LRRTM4: variants seen among roughly 807,000 people sequenced by gnomAD.
LRRTM4 encodes leucine rich repeat transmembrane neuronal 4.
A neutral mutation model predicts 47.6 loss-of-function variants in LRRTM4; 25 were observed. The ratio of observed to expected loss-of-function variants is 0.53; its 90% CI spans 0.38 to 0.73. LRRTM4 has a LOEUF of 0.73. Ranked by LOEUF, LRRTM4 falls within the 30% of genes least tolerant of loss-of-function variation. LRRTM4 has a pLI of 0.00. For synonymous variants in LRRTM4, 311 were observed against 269.5 expected (o/e 1.15, Z -1.51); for missense variants, 638 against 713.4 (o/e 0.89, Z 1.20).
chr2:77,190,841 C>T (rs1176267696), intron 3 of LRRTM4, among the ~76,000 whole-genome samples: 1 of 152,084 alleles, frequency 6.6e-6, no homozygotes, highest in Admixed American at 6.6e-5. Flanking sequence ...TGTACTTAGC[C>T]TAATAAGTGT....
intron 3 of LRRTM4, among the ~76,000 whole-genome samples, chr2:77,467,565 A>G (rs912489096): frequency 1.3e-5 from 2 of 152,176 alleles, no homozygotes; most frequent in Admixed American, 6.5e-5. Flanking sequence ...TTGCATGCTT[A>G]ACCATCAAGA....
At chr2:77,444,413 C>T (rs189527621) in intron 3 of LRRTM4, among the ~76,000 whole-genome samples, 5 of 152,040 alleles carry the variant, frequency 3.3e-5, no homozygotes, top group Admixed American at 2.0e-4. Context: ...GCTCTTATGA[C>T]GGAGATATTT....
intron 3 of LRRTM4, among the ~76,000 whole-genome samples, chr2:76,907,952 C>T (rs1368231939): frequency 6.7e-6 from 1 of 150,296 alleles, no homozygotes. Context: ...GAAACTATTC[C>T]AATCAATAGA....
intron 3 of LRRTM4, among the ~76,000 whole-genome samples, chr2:77,279,670 A>C (rs1350068299): frequency 6.6e-6 from 1 of 151,950 alleles, no homozygotes; most frequent in Non-Finnish European, 1.5e-5. Context: ...AATTGCTATT[A>C]TGAAAAATTT....
At chr2:77,187,777 A>T (rs1673552054) in intron 3 of LRRTM4, among the ~76,000 whole-genome samples, 1 of 152,124 alleles carries the variant, frequency 6.6e-6, no homozygotes, top group Admixed American at 6.6e-5. Context: ...ATAAACAAAA[A>T]TAAAAAATAT....
intron 3 of LRRTM4, among the ~76,000 whole-genome samples, chr2:76,818,559 C>CGT (rs984257058): frequency 1.6e-4 from 25 of 151,786 alleles, no homozygotes; most frequent in African/African-American, 6.0e-4. Flanking sequence ...TTTTTCAATT[C>CGT]CTCACAAATA....
intron 3 of LRRTM4, among the ~76,000 whole-genome samples, chr2:77,211,570 T>C (rs552701420): frequency 6.6e-6 from 1 of 152,302 alleles, no homozygotes; most frequent in African/African-American, 2.4e-5. Context: ...AATAATATAT[T>C]AAGAGTATAT....
At chr2:76,756,620 C>T (rs1314036395) in intron 3 of LRRTM4, among the ~76,000 whole-genome samples, 2 of 152,126 alleles carry the variant, frequency 1.3e-5, no homozygotes, top group African/African-American at 2.4e-5. Context: ...TCTGCCTTCA[C>T]CTGTAGCAGT....
intron 3 of LRRTM4, among the ~76,000 whole-genome samples, chr2:77,192,547 T>TA (rs1430798818): frequency 1.3e-5 from 2 of 152,164 alleles, no homozygotes; most frequent in East Asian, 3.9e-4. Flanking sequence ...CTAAAAAATG[T>TA]AAAAATAATT....
intron 3 of LRRTM4, among the ~76,000 whole-genome samples, chr2:77,064,321 G>T (rs1428746646): frequency 6.6e-6 from 1 of 151,910 alleles, no homozygotes; most frequent in African/African-American, 2.4e-5. Context: ...GCCTTCAGTG[G>T]GTAACCTGAT....
chr2:76,976,776 T>C (rs921856193), intron 3 of LRRTM4, among the ~76,000 whole-genome samples: 1 of 151,964 alleles, frequency 6.6e-6, no homozygotes. Context: ...TCTGTAGCAC[T>C]GTAGGGTAAA....
chr2:76,895,759 C>A (rs114738944), intron 3 of LRRTM4, among the ~76,000 whole-genome samples: 1 of 150,594 alleles, frequency 6.6e-6, no homozygotes, highest in Non-Finnish European at 1.5e-5. Context: ...TGGTGATGAG[C>A]CCAATTCTGT....
chr2:77,269,579 TA>T (rs1676138261), intron 3 of LRRTM4, among the ~76,000 whole-genome samples: 1 of 152,128 alleles, frequency 6.6e-6, no homozygotes, highest in Non-Finnish European at 1.5e-5. Context: ...AAATACAAAT[TA>T]AATTTAAATA....
chr2:76,937,870 T>TTA (rs1192700825), intron 3 of LRRTM4, among the ~76,000 whole-genome samples: 2 of 151,974 alleles, frequency 1.3e-5, no homozygotes, highest in Non-Finnish European at 1.5e-5. Context: ...CCGGCCATCT[T>TTA]TATATATATA....
At chr2:76,940,652 C>A (rs1212777178) in intron 3 of LRRTM4, among the ~76,000 whole-genome samples, 1 of 151,134 alleles carries the variant, frequency 6.6e-6, no homozygotes, top group African/African-American at 2.4e-5. Context: ...AACTTAAAAA[C>A]AAACAAATAT....
intron 3 of LRRTM4, among the ~76,000 whole-genome samples, chr2:77,132,453 A>G (rs1025104455): frequency 6.6e-6 from 1 of 152,206 alleles, no homozygotes; most frequent in Non-Finnish European, 1.5e-5. Flanking sequence ...TACAGTTAGC[A>G]TGGTAGTGCA....
intron 3 of LRRTM4, among the ~76,000 whole-genome samples, chr2:77,211,202 G>T (rs770423851): frequency 6.6e-6 from 1 of 152,182 alleles, no homozygotes; most frequent in Non-Finnish European, 1.5e-5. Flanking sequence ...CTACAGTTGT[G>T]AGGACAAAGA....
At chr2:77,344,421 C>A (rs575827693) in intron 3 of LRRTM4, among the ~76,000 whole-genome samples, 1 of 151,654 alleles carries the variant, frequency 6.6e-6, no homozygotes, top group African/African-American at 2.4e-5. Context: ...AATAGTGTGA[C>A]CTTCATAGAA....
intron 3 of LRRTM4, among the ~76,000 whole-genome samples, chr2:77,348,272 T>G (rs1573291675): frequency 6.6e-6 from 1 of 151,848 alleles, no homozygotes; most frequent in South Asian, 2.1e-4. Flanking sequence ...ATAAAAGGAT[T>G]CAGAGTTTGA....
Sources: allele counts gnomAD v4.1 joint callset (sites outside exome capture counted in the v4.1 genomes callset), GRCh38; gene constraint gnomAD v4.1.1; transcripts MANE v1.5; gene names NCBI Gene and HGNC (gene_info 2026-07-23, HGNC 2026-07-21).